The following CHN2 variants were observed in gnomAD, a reference collection of about 807,000 sequenced individuals.
CHN2 encodes the protein beta-chimaerin.
Under a neutral mutation model 56.3 loss-of-function variants are expected in CHN2, and 35 were observed. The observed-to-expected ratio is 0.62, with a 90% CI of 0.47 to 0.82. CHN2 has a LOEUF of 0.82. CHN2 is among the 40% of genes least tolerant of loss of function. The pLI is 0.00. For missense variants in CHN2, 491 were observed against 580.5 expected, an observed-to-expected ratio of 0.85 and a Z score of 1.58; for synonymous variants, 210 against 212.8, an observed-to-expected ratio of 0.99 and a Z score of 0.12.
intron 6 of CHN2, among the ~76,000 whole-genome samples, chr7:29,416,225 T>G (rs1350187761): frequency 6.6e-6 from 1 of 152,254 alleles, no homozygotes; most frequent in Non-Finnish European, 1.5e-5. Context: ...CTGTAGTATA[T>G]GCCTTTCTCA....
intron 1 of CHN2, among the ~76,000 whole-genome samples, chr7:29,316,901 T>TA (rs902271529): frequency 1.2e-4 from 18 of 151,508 alleles, no homozygotes; most frequent in Admixed American, 2.6e-4. Flanking sequence ...GCTCTGCTGA[T>TA]AAAAAAAAAT....
chr7:29,252,578 G>A (rs369086304), intron 1 of CHN2, among the ~76,000 whole-genome samples: 2 of 19,488 alleles, frequency 1.0e-4, no homozygotes, highest in Non-Finnish European at 1.6e-4. Context: ...TGCATTCTTT[G>A]TTTTTTTTTT....
At chr7:29,160,373 C>T (rs1247150400) in intron 2 of CHN2, among the ~76,000 whole-genome samples, 1 of 152,210 alleles carries the variant, frequency 6.6e-6, no homozygotes, top group African/African-American at 2.4e-5. Context: ...GACAACGTTA[C>T]TGGCTTATCC....
chr7:29,368,898 A>G (rs2128041920), intron 3 of CHN2, among the ~76,000 whole-genome samples: 1 of 152,322 alleles, frequency 6.6e-6, no homozygotes, highest in African/African-American at 2.4e-5. Flanking sequence ...AGTACACAGT[A>G]GACTTTCTCA....
At chr7:29,175,511 A>G (rs1449324067) in intron 2 of CHN2, among the ~76,000 whole-genome samples, 1 of 151,840 alleles carries the variant, frequency 6.6e-6, no homozygotes, top group Non-Finnish European at 1.5e-5. Context: ...TTCCCCTTTC[A>G]CTTGGCTCTC....
intron 9 of CHN2, among the ~76,000 whole-genome samples, chr7:29,503,900 T>C (rs1378696956): frequency 6.6e-6 from 1 of 152,214 alleles, no homozygotes; most frequent in African/African-American, 2.4e-5. Flanking sequence ...TCCCTGCTCA[T>C]ACTTTTGGGA....
chr7:29,424,117 T>C (rs1804610957), intron 6 of CHN2, among the ~76,000 whole-genome samples: 1 of 152,216 alleles, frequency 6.6e-6, no homozygotes, highest in African/African-American at 2.4e-5. Flanking sequence ...TCAAAGTAAG[T>C]GATTTAGAGT....
At chr7:29,296,957 A>G (rs1793212682) in intron 1 of CHN2, among the ~76,000 whole-genome samples, 1 of 152,180 alleles carries the variant, frequency 6.6e-6, no homozygotes, top group Admixed American at 6.5e-5. Flanking sequence ...CAGGTCCAGG[A>G]GGATGCTCTG....
chr7:29,373,853 A>G (rs77468097), intron 3 of CHN2, among the ~76,000 whole-genome samples: 2,913 of 152,278 alleles, frequency 0.019, 98 homozygotes, highest in African/African-American at 0.065. Flanking sequence ...CAGATTTTAA[A>G]TGAACTCTAA....
intron 1 of CHN2, among the ~76,000 whole-genome samples, chr7:29,341,695 G>A (rs1305181640): frequency 6.6e-6 from 1 of 152,186 alleles, no homozygotes; most frequent in African/African-American, 2.4e-5. Context: ...ATAATGTCAT[G>A]AGTTTTTTCT....
intron 1 of CHN2, among the ~76,000 whole-genome samples, chr7:29,215,306 C>G (rs1372459248): frequency 1.3e-5 from 2 of 152,138 alleles, no homozygotes; most frequent in Admixed American, 1.3e-4. Context: ...AGAAAAGAAG[C>G]CTGAGGCCGT....
chr7:29,171,525 G>A (rs1796602830), intron 2 of CHN2, among the ~76,000 whole-genome samples: 1 of 152,112 alleles, frequency 6.6e-6, no homozygotes, highest in Non-Finnish European at 1.5e-5. Flanking sequence ...TCAGCCCCGA[G>A]CTTTCTTTGA....
rs763182889 is a variant in CHN2 at position 29,376,704 on chromosome 7, A to G, written c.144+8717A>G. ...TGGTAATGCTTGCTATTTGCTCAGCACTTGTGCTAGACTATTCACGGATTT... is the reference window on the plus strand; with the variant it reads ...TGGTAATGCTTGCTATTTGCTCAGCGCTTGTGCTAGACTATTCACGGATTT... On this transcript the variant is annotated intron_variant, in intron 3 of 12. Transcript: ENST00000222792. Among the ~76,000 whole-genome samples the G allele has an allele frequency of 3.9e-5, 6 of 152,202 alleles. No homozygotes were observed. The East Asian group carries it at 1.2e-3, about 29-fold the overall frequency.
chr7:29,310,196 G>C (rs562366034), intron 1 of CHN2, among the ~76,000 whole-genome samples: 1 of 152,070 alleles, frequency 6.6e-6, no homozygotes, highest in Admixed American at 6.5e-5. Context: ...GGAATGTTCA[G>C]TAATAGAAAA....
At chr7:29,167,985 G>A (rs927136235) in intron 2 of CHN2, among the ~76,000 whole-genome samples, 1 of 152,200 alleles carries the variant, frequency 6.6e-6, no homozygotes. Flanking sequence ...TGATCATAAT[G>A]AACAGATGAC....
chr7:29,329,999 G>C (rs1796102721), intron 1 of CHN2, among the ~76,000 whole-genome samples: 1 of 152,026 alleles, frequency 6.6e-6, no homozygotes, highest in African/African-American at 2.4e-5. Context: ...CTCTTTTTAT[G>C]CTCTAACCTG....
intron 1 of CHN2, among the ~76,000 whole-genome samples, chr7:29,262,999 T>C (rs1162901342): frequency 6.6e-6 from 1 of 151,832 alleles, no homozygotes; most frequent in Non-Finnish European, 1.5e-5. Flanking sequence ...AAAATAAGAA[T>C]CCCTTCTCCC....
At chr7:29,400,914 A>G in intron 6 of CHN2, 86 bp downstream of exon 6, 1 of 1,361,506 alleles carries the variant, frequency 7.3e-7, no homozygotes, top group Non-Finnish European at 1.0e-6. Flanking sequence ...ATTTGCTGAA[A>G]TGTTGGAGGA....
chr7:29,357,511 T>C (rs1798401399), intron 2 of CHN2, among the ~76,000 whole-genome samples: 1 of 152,258 alleles, frequency 6.6e-6, no homozygotes, highest in Non-Finnish European at 1.5e-5. Flanking sequence ...TTTCAGCAAA[T>C]ACATTCTAAA....
Sources: gnomAD v4.1 joint callset for allele counts (sites outside exome capture counted in the v4.1 genomes callset) on GRCh38, gnomAD v4.1.1 for gene constraint, MANE v1.5 for transcripts, NCBI Gene and HGNC (gene_info 2026-07-23, HGNC 2026-07-21) for gene names.